Variants in ZNF44 observed in about 807,000 individuals in gnomAD.
ZNF44 encodes zinc finger protein 44.
In ZNF44, 9 loss-of-function variants were observed where a neutral mutation model predicts 11.7. The observed-to-expected ratio is 0.77, with a 90% CI of 0.46 to 1.35. The LOEUF (loss-of-function observed/expected upper bound fraction) is 1.35, where lower values mean the gene tolerates loss of function less well. Ranked by LOEUF, ZNF44 falls within the 40% of genes most tolerant of loss-of-function variation. The probability of loss-of-function intolerance (pLI) is 0.00; values close to 1 mark genes in which losing one functional copy is unlikely to be tolerated. For missense variants in ZNF44, 696 were observed against 743.1 expected (o/e 0.94, Z 0.74); for synonymous variants, 224 against 242.7 (o/e 0.92, Z 0.72).
downstream of ZNF44, among the ~76,000 whole-genome samples, chr19:12,243,309 T>G (rs1304632611): frequency 2.6e-5 from 4 of 152,244 alleles, no homozygotes; most frequent in Non-Finnish European, 5.9e-5. Flanking sequence ...ACCTTACAAC[T>G]TGGTTTTTAA....
chr19:12,227,978 A>G (rs1915990605), intron 3 of ZNF44, among the ~76,000 whole-genome samples: 1 of 152,156 alleles, frequency 6.6e-6, no homozygotes, highest in South Asian at 2.1e-4. Context: ...ATTTTTATAG[A>G]CCCTTTTTAA....
In ZNF44 at chr19:12,285,717, T is replaced by G. The variant is rs535455061; in HGVS notation, c.3+8975A>C. Among the ~76,000 whole-genome samples, 6 of 152,198 alleles carry G rather than the reference T, an allele frequency of 3.9e-5. 1 individual carries two copies. In the South Asian group the frequency reaches 1.2e-3, roughly 32 times the overall value. ...AACATTGTCAACAACATCAAAAAATTAACTTAAAAGTCAAGTCCTGGCCAG... is the reference window on the plus strand; with the variant it reads ...AACATTGTCAACAACATCAAAAAATGAACTTAAAAGTCAAGTCCTGGCCAG... On this transcript the variant is annotated intron_variant, in intron 1 of 3. Coordinates refer to ENST00000355684, the MANE Select transcript of ZNF44 (RefSeq NM_016264.4).
intron 5 of ZNF44, among the ~76,000 whole-genome samples, chr19:12,258,196 A>G (rs1272548895): frequency 1.3e-5 from 2 of 148,972 alleles, no homozygotes; most frequent in Non-Finnish European, 3.0e-5. Flanking sequence ...TTAGCTGAGC[A>G]TGGTGGCGCA....
At chr19:12,258,183 A>AC (rs1208380889) in intron 5 of ZNF44, among the ~76,000 whole-genome samples, 1 of 149,230 alleles carries the variant, frequency 6.7e-6, no homozygotes, top group East Asian at 2.0e-4. Context: ...AAAAAAAAAA[A>AC]AATTAGCTGA....
chr19:12,248,297 G>GT (rs1916839112), exon 8 of ZNF44: 1 of 1,295,494 alleles, frequency 7.7e-7, no homozygotes. Flanking sequence ...TATCTCCAGT[G>GT]TGAGTCCTTC....
chr19:12,272,384 AT>A lies in ZNF44; in HGVS notation c.*22del. ...TATCTGAATGTGATAAAACCAATGA[AT>A]GCTTTCCCACATTCCATACACTTAT... On this transcript the variant is annotated 3_prime_UTR_variant, in exon 4 of 4. Coordinates refer to ENST00000355684, the MANE Select transcript of ZNF44 (RefSeq NM_016264.4). The A allele has an allele frequency of 1.3e-6, 2 of 1,501,370 alleles. No homozygotes were observed. The highest frequency in any genetic ancestry group is 2.8e-5 in the South Asian group (2 of 70,936). 93.0% of individuals were successfully genotyped at this position (1,501,370 alleles called of 1,614,324 possible). A position where few individuals can be genotyped will look rare whatever the true frequency, so the allele number is the denominator to read the frequency against.
rs201824293 is a variant in ZNF44 at position 12,275,967 on chromosome 19, A to G, written c.119T>C (p.Leu40Pro). ...GATGTCATCCATACCTATACAGTTC[A>G]GGTTCCTAATGGTTTCTCGCATCAC... is the stretch of plus-strand genomic sequence containing the variant. ...RDVMRETIRN[L>P]NCIGMKWENQ... The change falls in exon 2 of 4, where the codon CTG becomes CCG. Residue 40 changes from leucine to proline, a missense_variant. Physicochemically the swap from Leu to Pro is moderately conservative, Grantham distance 98 (BLOSUM62 -3). Transcript: ENST00000355684. The G allele has an allele frequency of 6.2e-7, 1 of 1,604,666 alleles. No homozygotes were observed. The highest frequency in any genetic ancestry group is 1.7e-5 in the Admixed American group (1 of 59,726).
chr19:12,250,852 A>G (rs1447188607), intron 5 of ZNF44: 1 of 456,144 alleles, frequency 2.2e-6, no homozygotes, highest in Admixed American at 2.4e-5. Flanking sequence ...TTGTAACAAT[A>G]TTTACCTGAC....
At chr19:12,277,128 G>A (rs960241400) in intron 1 of ZNF44, among the ~76,000 whole-genome samples, 4 of 152,214 alleles carry the variant, frequency 2.6e-5, no homozygotes, top group Admixed American at 1.3e-4. Context: ...GGTCCCTAAT[G>A]TGCAACTCTG....
Position 12,272,586 on chromosome 19 carries a change from C to T in ZNF44, c.1669G>A (p.Glu557Lys). The change falls in exon 4 of 4, where the codon GAA (glutamate) becomes AAA (lysine). Residue 557 changes from glutamate (E) to lysine (K), a missense_variant. Glu to Lys is a moderately conservative substitution (Grantham distance 56, BLOSUM62 1). Transcript: ENST00000355684. The stretch of plus-strand genomic sequence containing the variant: ...CAGTGTTTACATTCATAGGGTCTTT[C>T]TCCAGTGTGAGTCCTTTCATGTCTT... Reference protein sequence around the residue: ...LLRHERTHTGERPYECKHCGK... With the variant: ...LLRHERTHTGKRPYECKHCGK... 6.2e-7 allele frequency: 1 copy of T among 1,613,212 alleles called. No homozygotes were observed. The highest frequency in any genetic ancestry group is 1.1e-5 in the South Asian group (1 of 90,912).
At chr19:12,280,194 G>C (rs956372086) in intron 1 of ZNF44, among the ~76,000 whole-genome samples, 5 of 152,056 alleles carry the variant, frequency 3.3e-5, no homozygotes, top group African/African-American at 1.2e-4. Flanking sequence ...ACTCCAGCCT[G>C]GGAAACAGAG....
intron 1 of ZNF44, among the ~76,000 whole-genome samples, chr19:12,286,055 C>G (rs1352716017): frequency 6.6e-6 from 1 of 151,982 alleles, no homozygotes; most frequent in Non-Finnish European, 1.5e-5. Context: ...CCTATGAGCA[C>G]TGCAATGTGT....
chr19:12,280,293 T>C (rs1046976475), intron 1 of ZNF44, among the ~76,000 whole-genome samples: 7 of 152,132 alleles, frequency 4.6e-5, no homozygotes, highest in African/African-American at 1.7e-4. Context: ...ATGAAAGTAA[T>C]GTTATATGTG....
At chr19:12,242,636 G>A (rs928921899) in intron 6 of ZNF44, 1 of 129,184 alleles carries the variant, frequency 7.7e-6, no homozygotes, top group Admixed American at 9.3e-5. Flanking sequence ...GGGCAATATA[G>A]TAAGACCTAT....
chr19:12,241,914 CATT>C (rs1916631458), upstream of ZNF44, among the ~76,000 whole-genome samples: 1 of 152,098 alleles, frequency 6.6e-6, no homozygotes, highest in South Asian at 2.1e-4. Context: ...ACCTTGAAAA[CATT>C]ATGCTAAGTG....
At chr19:12,228,441 C>G (rs1030228684) in intron 3 of ZNF44, among the ~76,000 whole-genome samples, 1 of 152,120 alleles carries the variant, frequency 6.6e-6, no homozygotes, top group African/African-American at 2.4e-5. Flanking sequence ...TCCGTGTGTC[C>G]TAGGTTTTAC....
chr19:12,226,793 G>A (rs763280223), intron 3 of ZNF44, among the ~76,000 whole-genome samples: 6 of 152,268 alleles, frequency 3.9e-5, no homozygotes, highest in East Asian at 1.9e-4. Context: ...CAGGCTGGGC[G>A]TGGTGGGTCC....
chr19:12,227,404 CCA>C (rs1469664634), intron 3 of ZNF44, among the ~76,000 whole-genome samples: 2 of 152,166 alleles, frequency 1.3e-5, no homozygotes, highest in African/African-American at 4.8e-5. Context: ...GAGTTTCAGA[CCA>C]GCCTCACCAA....
downstream of ZNF44, among the ~76,000 whole-genome samples, chr19:12,245,184 G>A (rs1212053271): frequency 6.6e-6 from 1 of 151,946 alleles, no homozygotes; most frequent in Non-Finnish European, 1.5e-5. Flanking sequence ...ATATGCAAAT[G>A]GTAATACTGA....
Sources: gnomAD v4.1 joint callset for allele counts (sites outside exome capture counted in the v4.1 genomes callset) on GRCh38, gnomAD v4.1.1 for gene constraint, MANE v1.5 for transcripts, NCBI Gene and HGNC (gene_info 2026-07-23, HGNC 2026-07-21) for gene names.